The following DAPK2 variants were observed in gnomAD, a reference collection of about 807,000 sequenced individuals.
DAPK2 encodes death-associated protein kinase 2.
DAPK2 carries 35 observed loss-of-function variants against 44.1 expected under a neutral mutation model. That is an observed-to-expected ratio of 0.79 (90% CI 0.61 to 1.05). The LOEUF (loss-of-function observed/expected upper bound fraction) is 1.05, where lower values mean the gene tolerates loss of function less well. DAPK2 is among the 50% of genes least tolerant of loss of function. The pLI is 0.00. For missense variants in DAPK2, 453 were observed against 483.2 expected (o/e 0.94, Z 0.59); for synonymous variants, 174 against 182.6 (o/e 0.95, Z 0.38).
chr15:63,915,508 C>T (rs986455371), intron 8 of DAPK2, among the ~76,000 whole-genome samples: 1 of 152,190 alleles, frequency 6.6e-6, no homozygotes, highest in Non-Finnish European at 1.5e-5. Context: ...TTTTTGCCCA[C>T]TTACTGATTG....
intron 3 of DAPK2, among the ~76,000 whole-genome samples, chr15:63,967,236 C>T (rs1595818140): frequency 6.6e-6 from 1 of 152,174 alleles, no homozygotes; most frequent in Middle Eastern, 3.4e-3. Context: ...GTTCTGTGAC[C>T]TCTCACCTGG....
intron 3 of DAPK2, among the ~76,000 whole-genome samples, chr15:63,954,680 C>T (rs896738981): frequency 2.0e-5 from 3 of 152,060 alleles, no homozygotes; most frequent in African/African-American, 4.8e-5. Context: ...TTTTCTATTT[C>T]GGTTAAGAAT....
At chr15:63,995,288 T>C (rs951260675) in intron 1 of DAPK2, among the ~76,000 whole-genome samples, 5 of 152,194 alleles carry the variant, frequency 3.3e-5, no homozygotes, top group African/African-American at 1.2e-4. Flanking sequence ...TGGCTAGGAC[T>C]ATAGGCGCCC....
rs140850258 is a variant in DAPK2 at position 63,929,567 on chromosome 15, C to T, written c.643G>A (p.Val215Ile). 501 of 1,614,118 alleles carry T rather than the reference C, an allele frequency of 3.1e-4. No individual in the cohort carries two copies. In the East Asian group the frequency reaches 7.6e-3, roughly 24 times the overall value. The change falls in exon 6 of 11, where the codon GTC (valine) becomes ATC (isoleucine). Residue 215 changes from valine (V) to isoleucine (I), a missense_variant. Val to Ile is a conservative substitution (Grantham distance 29). Coordinates refer to ENST00000261891, the Ensembl canonical transcript of DAPK2. ...GATACTCACAGGATGTAGGTGATGA[C>T]GCCTATGCTCCTGCAAAATAAAGAA...
chr15:63,933,144 T>C (rs1008232480), intron 4 of DAPK2, among the ~76,000 whole-genome samples: 1 of 152,218 alleles, frequency 6.6e-6, no homozygotes. Context: ...TCCAACAAGA[T>C]AGGCACAGAA....
At chr15:63,926,078 G>T (rs1442435752) in exon 7 of DAPK2, 1 of 1,610,674 alleles carries the variant, frequency 6.2e-7, no homozygotes, top group Admixed American at 1.7e-5. Flanking sequence ...CCAGGAAAGG[G>T]GATGCTCCAC....
chr15:63,951,676 G>A (rs1453475120), intron 3 of DAPK2, among the ~76,000 whole-genome samples: 2 of 152,154 alleles, frequency 1.3e-5, no homozygotes, highest in Non-Finnish European at 2.9e-5. Flanking sequence ...TGGTACCATA[G>A]CACATTGATG....
At chr15:63,913,571 G>A (rs117248872) in intron 8 of DAPK2, among the ~76,000 whole-genome samples, 4,741 of 152,256 alleles carry the variant, frequency 0.031, 101 homozygotes, top group South Asian at 0.073. Flanking sequence ...AATGCTAAGC[G>A]AGGGAGCCTA....
intron 1 of DAPK2, among the ~76,000 whole-genome samples, chr15:64,037,789 G>T (rs2080249442): frequency 6.6e-6 from 1 of 152,114 alleles, no homozygotes; most frequent in African/African-American, 2.4e-5. Flanking sequence ...TGGAAGAGAG[G>T]ACCTCTAAAG....
chr15:63,998,650 C>G (rs1364897179), intron 1 of DAPK2, among the ~76,000 whole-genome samples: 3 of 152,204 alleles, frequency 2.0e-5, no homozygotes, highest in Admixed American at 6.5e-5. Context: ...CAGGCAGGAG[C>G]AGCTGAGGTT....
intron 8 of DAPK2, chr15:63,921,678 T>C (rs2079075985): frequency 6.6e-6 from 1 of 152,276 alleles, no homozygotes; most frequent in South Asian, 2.1e-4. Context: ...CGGAACTTCT[T>C]AGGCCTTCAA....
chr15:63,977,839 C>G (rs1211571904), intron 2 of DAPK2, among the ~76,000 whole-genome samples: 3 of 152,162 alleles, frequency 2.0e-5, no homozygotes, highest in African/African-American at 7.2e-5. Context: ...GGATTTAGAC[C>G]CAGATTTTCT....
upstream of DAPK2, among the ~76,000 whole-genome samples, chr15:64,042,769 G>A (rs566773176): frequency 1.1e-4 from 17 of 152,252 alleles, no homozygotes; most frequent in South Asian, 2.3e-3. This position sits in a 1 kb window ranked among gnomAD's most constrained non-coding sequence, Gnocchi z 4.7. Flanking sequence ...GCTATATCTC[G>A]GCTGAAGTGG....
chr15:63,909,380 ACAGATATCTG>A (rs2078726984), intron 10 of DAPK2: 1 of 151,686 alleles, frequency 6.6e-6, no homozygotes, highest in Non-Finnish European at 1.5e-5. Context: ...AAACTGCATA[ACAGATATCTG>A]GGACCCAACA....
intron 7 of DAPK2, 112 bp from the exon 9 acceptor site, chr15:63,924,973 G>A (rs73450793): frequency 4.2e-4 from 471 of 1,119,848 alleles, no homozygotes; most frequent in African/African-American, 2.3e-3. Context: ...GGCCACTGCC[G>A]TCAAACCAGT....
chr15:64,017,634 G>A (rs1595896465), intron 1 of DAPK2, among the ~76,000 whole-genome samples: 1 of 152,166 alleles, frequency 6.6e-6, no homozygotes, highest in African/African-American at 2.4e-5. Context: ...GTGTCTCCAG[G>A]CCACTTAACA....
chr15:63,974,997 C>T lies in DAPK2; in HGVS notation c.315-3436G>A, dbSNP rs575693275. ...GAGTATAATGAGGCATGTCCAACCC[C>T]TCTTCCCACCATGGCCTGAAAGTTT... On this transcript the variant is annotated intron_variant, in intron 2 of 10. Coordinates refer to ENST00000261891, the Ensembl canonical transcript of DAPK2. Among the ~76,000 whole-genome samples, 15 of 152,284 alleles carry T rather than the reference C, an allele frequency of 9.9e-5. No individual in the cohort carries two copies. The East Asian group carries it at 2.9e-3, about 29-fold the overall frequency.
intron 2 of DAPK2, among the ~76,000 whole-genome samples, chr15:63,982,187 C>CTTTTT (rs5813271): frequency 1.9e-5 from 2 of 107,862 alleles, no homozygotes; most frequent in Non-Finnish European, 3.5e-5. Flanking sequence ...TCAGAATATT[C>CTTTTT]TTTTTTTTTT....
chr15:63,934,535 G>A (rs1006814624), intron 4 of DAPK2, among the ~76,000 whole-genome samples: 1 of 152,064 alleles, frequency 6.6e-6, no homozygotes, highest in African/African-American at 2.4e-5. Context: ...GAGATTACAG[G>A]TGTGAGCCAT....
Sources: gnomAD v4.1 joint callset for allele counts (sites outside exome capture counted in the v4.1 genomes callset) on GRCh38, gnomAD v4.1.1 for gene constraint, Gnocchi (gnomAD v3.1) non-coding constraint, MANE v1.5 for transcripts, NCBI Gene and HGNC (gene_info 2026-07-23, HGNC 2026-07-21) for gene names.